The following CERCAM variants were observed in gnomAD, a reference collection of about 807,000 sequenced individuals.
CERCAM encodes cerebral endothelial cell adhesion molecule, also known as inactive glycosyltransferase 25 family member 3.
CERCAM carries 59 observed loss-of-function variants against 66.0 expected under a neutral mutation model. The observed-to-expected ratio is 0.89, with a 90% CI of 0.73 to 1.11. The LOEUF is 1.11. Ranked by LOEUF, CERCAM falls within the 50% of genes most tolerant of loss-of-function variation. The pLI, the probability that CERCAM is intolerant of heterozygous loss-of-function variation, is 0.00. For missense variants in CERCAM, 840 were observed against 828.3 expected (o/e 1.01, Z -0.17); for synonymous variants, 318 against 343.6 (o/e 0.93, Z 0.83).
intron 8 of CERCAM, 36 bp from the exon 9 acceptor site, chr9:128,431,135 A>G (rs781298224): frequency 6.8e-6 from 11 of 1,607,096 alleles, no homozygotes; most frequent in Non-Finnish European, 8.5e-6. Context: ...GGTCTCTGGC[A>G]GGCACCCCTC....
At chr9:128,432,637 T>G (rs990673714) in intron 9 of CERCAM, among the ~76,000 whole-genome samples, 2 of 151,942 alleles carry the variant, frequency 1.3e-5, no homozygotes, top group Non-Finnish European at 2.9e-5. Flanking sequence ...TCCACCCACC[T>G]CAGCCTCCAA....
intron 6 of CERCAM, 123 bp downstream of exon 6, chr9:128,428,544 C>G: frequency 7.7e-7 from 1 of 1,294,056 alleles, no homozygotes. Flanking sequence ...TTGTCCCTAA[C>G]TCGTTCCATG....
chr9:128,420,590 C>G (rs751531757), upstream of CERCAM: 2 of 191,282 alleles, frequency 1.0e-5, no homozygotes, highest in Non-Finnish European at 2.1e-5. This position sits in a 1 kb window ranked among gnomAD's most constrained non-coding sequence, Gnocchi z 5.0. Flanking sequence ...CTCCCCTGTC[C>G]GGTCCTCCGG....
At chr9:128,435,274 G>C (rs561286636) in intron 11 of CERCAM, among the ~76,000 whole-genome samples, 74 of 152,288 alleles carry the variant, frequency 4.9e-4, no homozygotes, top group African/African-American at 1.7e-3. Context: ...CGGGATTACA[G>C]GCATGAGCCA....
intron 3 of CERCAM, among the ~76,000 whole-genome samples, chr9:128,423,617 C>CAAA (rs751848613): frequency 0.063 from 5,165 of 81,696 alleles, 354 homozygotes; most frequent in African/African-American, 0.2. Context: ...AACTCAGTCT[C>CAAA]AAAAAAAAAA....
At chr9:128,426,990 G>A (rs990944101) in intron 5 of CERCAM, among the ~76,000 whole-genome samples, 4 of 152,192 alleles carry the variant, frequency 2.6e-5, no homozygotes, top group Non-Finnish European at 5.9e-5. Flanking sequence ...TACTTCAAGC[G>A]ACAGCCGTTG....
At chr9:128,424,807 C>G (rs1833803348) in intron 5 of CERCAM, among the ~76,000 whole-genome samples, 193 bp downstream of exon 5, 1 of 149,510 alleles carries the variant, frequency 6.7e-6, no homozygotes, top group African/African-American at 2.5e-5. Context: ...ACTGCAAACT[C>G]TGCCTCCCGG....
chr9:128,424,632 T>G lies in CERCAM; in HGVS notation c.766+18T>G. 6.2e-7 allele frequency: 1 copy of G among 1,611,222 alleles called. No individual in the cohort carries two copies. The highest frequency in any genetic ancestry group is 2.2e-5 in the East Asian group (1 of 44,882). ...GGCTGCTGGTGAGGACCAGCCCTCCTTTAGCATTCCTTGGAGGCCTCTGCA... is the reference window on the plus strand; with the variant it reads ...GGCTGCTGGTGAGGACCAGCCCTCCGTTAGCATTCCTTGGAGGCCTCTGCA... On this transcript the variant is annotated intron_variant, in intron 5 of 12. Coordinates refer to ENST00000372838, the MANE Select transcript of CERCAM (RefSeq NM_016174.5).
At chr9:128,421,663 C>A in intron 1 of CERCAM, 1 of 367,704 alleles carries the variant, frequency 2.7e-6, no homozygotes, top group Non-Finnish European at 3.8e-6. Context: ...CCTGGAGCCT[C>A]TCCCCTCTGG....
chr9:128,427,038 C>T (rs187871339), intron 5 of CERCAM, among the ~76,000 whole-genome samples: 45 of 152,342 alleles, frequency 3.0e-4, no homozygotes, highest in African/African-American at 1.1e-3. Flanking sequence ...CAGTCTCTAA[C>T]AGCCAGATAC....
rs1240918281 is a variant in CERCAM at position 128,424,652 on chromosome 9, T to A, written c.766+38T>A. On this transcript the variant is annotated intron_variant, in intron 5 of 12. Coordinates refer to ENST00000372838, the MANE Select transcript of CERCAM (RefSeq NM_016174.5). Reference sequence around the variant, plus strand: ...CCTCCTTTAGCATTCCTTGGAGGCCTCTGCACATTTGCACATGCTATTCCA... The same window carrying A: ...CCTCCTTTAGCATTCCTTGGAGGCCACTGCACATTTGCACATGCTATTCCA... 3.2e-6 allele frequency: 5 copies of A among 1,584,052 alleles called. No homozygotes were observed. In the South Asian group the frequency reaches 4.4e-5, roughly 14 times the overall value.
intron 5 of CERCAM, 54 bp from the exon 6 acceptor site, chr9:128,428,248 G>A: frequency 1.9e-6 from 3 of 1,595,038 alleles, no homozygotes; most frequent in Non-Finnish European, 2.6e-6. Flanking sequence ...CCTTTCAGCT[G>A]GGTTCTGAGA....
At position 128,426,733 on chromosome 9, in the gene CERCAM, A is replaced by G. The variant is rs141871917; in HGVS notation, c.767-1569A>G. On this transcript the variant is annotated intron_variant, in intron 5 of 12. Transcript: ENST00000372838. ...ATATGTAATTCCGACCCTGAAGACTATCTGGTGCATGGAGAAGAACTTTGC... is the reference window on the plus strand; with the variant it reads ...ATATGTAATTCCGACCCTGAAGACTGTCTGGTGCATGGAGAAGAACTTTGC... Among the ~76,000 whole-genome samples, 1,379 of 152,288 alleles carry G rather than the reference A, an allele frequency of 9.1e-3. 28 individuals are homozygous for G. Among genetic ancestry groups the G allele is most frequent in the African/African-American group, 0.031 (1,292 of 41,568 alleles).
intron 9 of CERCAM, among the ~76,000 whole-genome samples, chr9:128,433,513 G>A (rs527374038): frequency 6.6e-6 from 1 of 152,218 alleles, no homozygotes; most frequent in African/African-American, 2.4e-5. Flanking sequence ...GGAGTGGGAG[G>A]GGAGATGGCT....
Position 128,427,092 on chromosome 9 carries a change from T to C in CERCAM, c.767-1210T>C, listed in dbSNP as rs575552635. On this transcript the variant is annotated intron_variant, in intron 5 of 12. Transcript: ENST00000372838. ...CAGGCTCTGTGCTCAATGCTGGGAA[T>C]AGGGTTAGCTTTTATTTGTTTTTTG... 2.0e-5 allele frequency among the ~76,000 whole-genome samples: 3 copies of C among 152,262 alleles called. No individual in the cohort carries two copies. In the South Asian group the frequency reaches 6.2e-4, roughly 32 times the overall value.
intron 11 of CERCAM, among the ~76,000 whole-genome samples, chr9:128,435,043 C>T (rs1230752315): frequency 1.4e-4 from 21 of 150,556 alleles, no homozygotes; most frequent in Non-Finnish European, 1.8e-4. Context: ...TCACCCAGTG[C>T]GGTGCAGTGG....
intron 1 of CERCAM, 100 bp from the exon 2 acceptor site, chr9:128,422,768 A>G: frequency 1.5e-6 from 2 of 1,342,992 alleles, no homozygotes; most frequent in Non-Finnish European, 2.0e-6. Context: ...TGTTCCAAGG[A>G]GAGCTCGACC....
At chr9:128,420,324 G>T (rs1833676759), upstream of CERCAM, 1 of 152,184 alleles carries the variant, frequency 6.6e-6, no homozygotes, top group African/African-American at 2.4e-5. This position sits in a 1 kb window ranked among gnomAD's most constrained non-coding sequence, Gnocchi z 5.0. Context: ...TCCGGCCCAC[G>T]CGTGGCCCGG....
At position 128,435,844 on chromosome 9, in the gene CERCAM, G is replaced by A. The variant is rs1244088649; in HGVS notation, c.1727G>A (p.Arg576His). The change falls in exon 12 of 13, where the codon CGC becomes CAC. Residue 576 changes from arginine to histidine, a missense_variant. Physicochemically the swap from Arg to His is conservative, Grantham distance 29. Coordinates refer to ENST00000372838, the MANE Select transcript of CERCAM (RefSeq NM_016174.5). ...SGSQKTLRSP[R>H]LDLTGSSGHS... is the part of the protein sequence containing the mutation. ...TCCCAAAAGACCCTGCGCAGCCCCCGCCTGGACCTGACTGGCAGCAGCGGG... is the reference window on the plus strand; with the variant it reads ...TCCCAAAAGACCCTGCGCAGCCCCCACCTGGACCTGACTGGCAGCAGCGGG... 8 of 1,609,848 alleles carry A rather than the reference G, an allele frequency of 5.0e-6. No homozygotes were observed. Among genetic ancestry groups the A allele is most frequent in the African/African-American group, 2.7e-5 (2 of 74,844 alleles).
Sources: gnomAD v4.1 joint callset for allele counts (sites outside exome capture counted in the v4.1 genomes callset) on GRCh38, gnomAD v4.1.1 for gene constraint, Gnocchi (gnomAD v3.1) non-coding constraint, MANE v1.5 for transcripts, NCBI Gene and HGNC (gene_info 2026-07-23, HGNC 2026-07-21) for gene names.